The following SPATA17 variants were observed in gnomAD, a reference collection of about 807,000 sequenced individuals.
SPATA17 encodes the protein spermatogenesis-associated protein 17.
In SPATA17, 53 loss-of-function variants were observed where a neutral mutation model predicts 62.2. That is an observed-to-expected ratio of 0.85 (90% CI 0.68 to 1.07). SPATA17 has a LOEUF of 1.07. Among genes scored for constraint, SPATA17 ranks in the 50% least tolerant of loss-of-function variants. The probability of loss-of-function intolerance (pLI) is 0.00; values close to 1 mark genes in which losing one functional copy is unlikely to be tolerated. For synonymous variants in SPATA17, 146 were observed against 146.8 expected, an observed-to-expected ratio of 0.99 and a Z score of 0.04; for missense variants, 466 against 425.5, an observed-to-expected ratio of 1.10 and a Z score of -0.84.
chr1:217,826,964 T>C (rs1421876944), intron 9 of SPATA17, among the ~76,000 whole-genome samples: 1 of 152,062 alleles, frequency 6.6e-6, no homozygotes, highest in Non-Finnish European at 1.5e-5. Context: ...AGCATACGCT[T>C]TAGCTTTTAT....
intron 5 of SPATA17, among the ~76,000 whole-genome samples, chr1:217,732,340 T>G (rs981407613): frequency 7.9e-5 from 12 of 152,324 alleles, no homozygotes; most frequent in African/African-American, 2.6e-4. Context: ...CAAGATTAGT[T>G]GAGAGATGTC....
chr1:217,805,569 A>T (rs1421365091), intron 9 of SPATA17, among the ~76,000 whole-genome samples: 2 of 152,204 alleles, frequency 1.3e-5, no homozygotes, highest in East Asian at 3.8e-4. Context: ...GCTAAATCTT[A>T]TGGATATGTT....
At chr1:217,846,526 G>A (rs1163130054) in intron 9 of SPATA17, among the ~76,000 whole-genome samples, 1 of 151,882 alleles carries the variant, frequency 6.6e-6, no homozygotes, top group African/African-American at 2.4e-5. Flanking sequence ...TACCTGTGGG[G>A]GATTTTCATT....
intron 8 of SPATA17, among the ~76,000 whole-genome samples, chr1:217,787,181 C>T (rs555296177): frequency 1.3e-5 from 2 of 152,102 alleles, no homozygotes; most frequent in East Asian, 1.9e-4. Context: ...AATTTAGGCA[C>T]CTTAAAATTC....
At chr1:217,809,805 A>C (rs958033410) in intron 9 of SPATA17, among the ~76,000 whole-genome samples, 1 of 152,248 alleles carries the variant, frequency 6.6e-6, no homozygotes, top group Non-Finnish European at 1.5e-5. Flanking sequence ...ATGTCATTTC[A>C]TAAAATTCAG....
In SPATA17 at chr1:217,774,346, T is replaced by C. The variant is rs1673534865; in HGVS notation, c.532T>C (p.Tyr178His). Residue 178 changes from tyrosine to histidine, a missense_variant, in exon 7 of 11, where the codon TAC becomes CAC. Coordinates refer to ENST00000366933, the MANE Select transcript of SPATA17 (RefSeq NM_138796.4). ...TCTTCTTCTTTAGATTCCAGGAATA[T>C]ACAATTCACCCTTCAGAAAAGAGCC... The part of the protein sequence containing the change: ...LLSTKQIPGI[Y>H]NSPFRKEPDP... The C allele has an allele frequency of 8.7e-6, 14 of 1,613,456 alleles. No homozygotes were observed. The highest frequency in any genetic ancestry group is 1.2e-5 in the Non-Finnish European group (14 of 1,179,722).
intron 8 of SPATA17, among the ~76,000 whole-genome samples, chr1:217,794,226 T>C (rs145846386): frequency 1.6e-4 from 24 of 152,266 alleles, no homozygotes; most frequent in Admixed American, 2.0e-4. Flanking sequence ...CCTGTGACTA[T>C]CACCTAGTTG....
intron 9 of SPATA17, among the ~76,000 whole-genome samples, chr1:217,817,408 T>C (rs1481910822): frequency 6.6e-6 from 1 of 152,072 alleles, no homozygotes; most frequent in Non-Finnish European, 1.5e-5. Context: ...GCTCTCCTTC[T>C]CCTTCCTGCC....
chr1:217,719,023 C>T (rs959531585), intron 5 of SPATA17, among the ~76,000 whole-genome samples: 1 of 152,174 alleles, frequency 6.6e-6, no homozygotes, highest in African/African-American at 2.4e-5. Flanking sequence ...ATTGAAAGTT[C>T]CTGTTACTAA....
intron 8 of SPATA17, 42 bp from the exon 9 acceptor site, chr1:217,801,676 C>T (rs1463192293): frequency 1.3e-6 from 2 of 1,527,804 alleles, no homozygotes; most frequent in African/African-American, 1.4e-5. Flanking sequence ...TCAAATGTCT[C>T]TAGAAATCAA....
chr1:217,671,497 G>A (rs760670105), intron 4 of SPATA17, among the ~76,000 whole-genome samples: 2 of 152,138 alleles, frequency 1.3e-5, no homozygotes, highest in Non-Finnish European at 2.9e-5. Context: ...TGCCTCTGCA[G>A]ATTGCAGTAG....
chr1:217,654,905 G>T (rs1242852913), intron 3 of SPATA17, among the ~76,000 whole-genome samples: 1 of 151,904 alleles, frequency 6.6e-6, no homozygotes, highest in East Asian at 1.9e-4. Flanking sequence ...TAGAGATGGG[G>T]TTTTGCCGTG....
intron 5 of SPATA17, among the ~76,000 whole-genome samples, chr1:217,718,800 C>T (rs1672062450): frequency 6.6e-6 from 1 of 152,096 alleles, no homozygotes; most frequent in Admixed American, 6.6e-5. Flanking sequence ...GTTGCCCTGC[C>T]ACCCAAATTG....
chr1:217,704,921 A>G (rs1332725752), intron 5 of SPATA17, among the ~76,000 whole-genome samples: 2 of 152,228 alleles, frequency 1.3e-5, no homozygotes, highest in African/African-American at 4.8e-5. Flanking sequence ...TATATACCCA[A>G]TAATGGGATT....
At chr1:217,849,202 C>T (rs1675591934) in intron 9 of SPATA17, among the ~76,000 whole-genome samples, 1 of 152,032 alleles carries the variant, frequency 6.6e-6, no homozygotes, top group Non-Finnish European at 1.5e-5. Flanking sequence ...CTGTTTTATT[C>T]ATATTTTAAA....
At chr1:217,799,457 T>C (rs746058552) in intron 8 of SPATA17, among the ~76,000 whole-genome samples, 1 of 152,132 alleles carries the variant, frequency 6.6e-6, no homozygotes, top group Non-Finnish European at 1.5e-5. Context: ...ATTAGTTTGT[T>C]TGTGTGTGAT....
At chr1:217,789,897 TGTG>T (rs912562389) in intron 8 of SPATA17, among the ~76,000 whole-genome samples, 2 of 151,854 alleles carry the variant, frequency 1.3e-5, no homozygotes, top group Non-Finnish European at 2.9e-5. Context: ...ATTAGCCAAG[TGTG>T]GTGGTGGGCA....
In SPATA17 at chr1:217,801,715, C is replaced by T; in HGVS notation, c.873-3C>T. On this transcript the variant is annotated splice_region_variant and splice_polypyrimidine_tract_variant and intron_variant, in intron 8 of 10. Coordinates refer to ENST00000366933, the MANE Select transcript of SPATA17 (RefSeq NM_138796.4). Reference sequence around the variant, plus strand: ...AAGAATAGCTCTTAAATATTTCTTTCAGGTTTTTGCCATTTTCTTCATACC... The same window carrying T: ...AAGAATAGCTCTTAAATATTTCTTTTAGGTTTTTGCCATTTTCTTCATACC... 1 of 1,588,072 alleles carries T rather than the reference C, an allele frequency of 6.3e-7. No homozygotes were observed.
chr1:217,765,408 A>G (rs764961842), intron 6 of SPATA17, among the ~76,000 whole-genome samples: 26 of 151,976 alleles, frequency 1.7e-4, no homozygotes, highest in Admixed American at 7.2e-4. Flanking sequence ...TCAATGCAAT[A>G]AATTTTCCTT....
Sources: gnomAD v4.1 joint callset for allele counts (sites outside exome capture counted in the v4.1 genomes callset) on GRCh38, gnomAD v4.1.1 for gene constraint, MANE v1.5 for transcripts, NCBI Gene and HGNC (gene_info 2026-07-23, HGNC 2026-07-21) for gene names.